The following ZNF273 variants were observed in gnomAD, a reference collection of about 807,000 sequenced individuals.
The protein encoded by ZNF273 is zinc finger protein 9.
ZNF273 carries 11 observed loss-of-function variants against 14.9 expected under a neutral mutation model. The ratio of observed to expected loss-of-function variants is 0.74; its 90% CI spans 0.46 to 1.22. The LOEUF is 1.22. Ranked by LOEUF, ZNF273 falls within the 50% of genes most tolerant of loss-of-function variation. The pLI is 0.00. For missense variants in ZNF273, 577 were observed against 660.6 expected, an observed-to-expected ratio of 0.87 and a Z score of 1.39; for synonymous variants, 199 against 223.9, an observed-to-expected ratio of 0.89 and a Z score of 0.99.
rs183679820 is a variant in ZNF273 at position 64,923,341 on chromosome 7, T to G, written c.326-4313T>G. 1,499 of 455,450 alleles carry G rather than the reference T, an allele frequency of 3.3e-3. 7 individuals are homozygous for G. The highest frequency in any genetic ancestry group is 4.4e-3 in the Non-Finnish European group (1,003 of 226,654). 28.2% of individuals were successfully genotyped at this position (455,450 alleles called of 1,614,324 possible). A position where few individuals can be genotyped will look rare whatever the true frequency, so the allele number is the denominator to read the frequency against. ...TTGTTTGTTTTGTGTGTGTGTGTGTTTTTTTATTTTTATTTTTTATACAGA... is the reference window on the plus strand; with the variant it reads ...TTGTTTGTTTTGTGTGTGTGTGTGTGTTTTTATTTTTATTTTTTATACAGA... On this transcript the variant is annotated intron_variant, in intron 3 of 3. Coordinates refer to ENST00000476120, the MANE Select transcript of ZNF273 (RefSeq NM_021148.3).
At chr7:64,896,361 A>G (rs1038733285) in intron 3 of ZNF273, among the ~76,000 whole-genome samples, 1 of 152,190 alleles carries the variant, frequency 6.6e-6, no homozygotes, top group Admixed American at 6.5e-5. Flanking sequence ...AACCACACAA[A>G]CTAAAAAACA....
At chr7:64,898,403 C>T (rs181767709), upstream of ZNF273, among the ~76,000 whole-genome samples, 103 of 152,244 alleles carry the variant, frequency 6.8e-4, no homozygotes, top group African/African-American at 2.1e-3. Context: ...GCGTGCCAAA[C>T]GCTGTTCATT....
intron 1 of ZNF273, among the ~76,000 whole-genome samples, chr7:64,911,816 T>C (rs983941970): frequency 6.6e-6 from 1 of 152,184 alleles, no homozygotes; most frequent in African/African-American, 2.4e-5. Flanking sequence ...ATTTGTGATA[T>C]TAGGTTGTTA....
At chr7:64,894,976 A>C (rs920299692) in intron 3 of ZNF273, among the ~76,000 whole-genome samples, 14 of 149,954 alleles carry the variant, frequency 9.3e-5, no homozygotes, top group Admixed American at 9.3e-4. Flanking sequence ...AAAAATACAA[A>C]AAAAAAAAAA....
intron 1 of ZNF273, among the ~76,000 whole-genome samples, chr7:64,908,087 C>G (rs1254363132): frequency 6.6e-6 from 1 of 152,222 alleles, no homozygotes; most frequent in Non-Finnish European, 1.5e-5. Flanking sequence ...CCCCCAGACA[C>G]TGAATCTGCA....
At chr7:64,889,755 C>T, downstream of ZNF273, 1 of 985,822 alleles carries the variant, frequency 1.0e-6, no homozygotes, top group Non-Finnish European at 1.2e-6. This position sits in a 1 kb window ranked among gnomAD's most constrained non-coding sequence, Gnocchi z 4.2. Flanking sequence ...CTCAGCCCCA[C>T]GGGGCTCCAG....
chr7:64,913,367 T>G (rs7784682), intron 1 of ZNF273, among the ~76,000 whole-genome samples: 1 of 152,244 alleles, frequency 6.6e-6, no homozygotes, highest in South Asian at 2.1e-4. Context: ...AATTATTGAA[T>G]GTTTGGTACT....
At chr7:64,910,021 GT>G (rs200707204) in intron 1 of ZNF273, among the ~76,000 whole-genome samples, 1 of 147,700 alleles carries the variant, frequency 6.8e-6, no homozygotes, top group African/African-American at 2.5e-5. Flanking sequence ...TTTTTTCCTA[GT>G]TTTTTTTTTC....
At chr7:64,894,591 T>TTA (rs1170775938), downstream of ZNF273, among the ~76,000 whole-genome samples, 29 of 148,588 alleles carry the variant, frequency 2.0e-4, no homozygotes, top group African/African-American at 6.6e-4. Context: ...GTCACAACAG[T>TTA]AAAAAAAAAA....
chr7:64,888,257 G>C, intron 1 of ZNF273: 2 of 980,374 alleles, frequency 2.0e-6, no homozygotes, highest in East Asian at 1.1e-4. Context: ...GCGCTCCCTC[G>C]TCAGATGTCC....
upstream of ZNF273, among the ~76,000 whole-genome samples, chr7:64,898,425 A>G (rs1792492388): frequency 6.6e-6 from 1 of 152,138 alleles, no homozygotes; most frequent in Non-Finnish European, 1.5e-5. Context: ...AACACAAAGA[A>G]CTGGTTTTCT....
At position 64,918,415 on chromosome 7, in the gene ZNF273, C is replaced by G. The variant is rs999346528; in HGVS notation, c.325+123C>G. 3.0e-5 allele frequency: 30 copies of G among 989,080 alleles called. No individual in the cohort carries two copies. The South Asian group carries it at 5.1e-4, about 17-fold the overall frequency. The allele number at this position is 989,080 out of a possible 1,614,324, so 61.3% of individuals were successfully genotyped here. A position where few individuals can be genotyped will look rare whatever the true frequency, so the allele number is the denominator to read the frequency against. On this transcript the variant is annotated intron_variant, in intron 3 of 3. Transcript: ENST00000476120. ...CGGTGGCTCACGTCTGTAATCCCAG[C>G]ACTTTGGGAGGCCGAGGCGGGCGGA...
downstream of ZNF273, among the ~76,000 whole-genome samples, chr7:64,934,989 A>ATG (rs1241414618): frequency 6.6e-6 from 1 of 152,142 alleles, no homozygotes; most frequent in African/African-American, 2.4e-5. Flanking sequence ...TTAGATTATA[A>ATG]TGTAAGGTGT....
At chr7:64,886,656 A>G (rs1791598849) in intron 1 of ZNF273, among the ~76,000 whole-genome samples, 1 of 152,176 alleles carries the variant, frequency 6.6e-6, no homozygotes, top group Non-Finnish European at 1.5e-5. Flanking sequence ...CCCAATCTCC[A>G]TAGTACAATT....
downstream of ZNF273, among the ~76,000 whole-genome samples, chr7:64,890,380 G>A (rs1298276801): frequency 2.0e-5 from 3 of 152,008 alleles, no homozygotes; most frequent in East Asian, 1.9e-4. Context: ...AGCAGGTTCC[G>A]TGATCAGCTG....
chr7:64,884,516 C>T (rs773541236), downstream of ZNF273, among the ~76,000 whole-genome samples: 4 of 152,110 alleles, frequency 2.6e-5, no homozygotes, highest in African/African-American at 9.7e-5. Flanking sequence ...ACCTCTTCTC[C>T]GTCTTGGACT....
chr7:64,895,574 C>A (rs1285167098), intron 3 of ZNF273, among the ~76,000 whole-genome samples: 1 of 152,038 alleles, frequency 6.6e-6, no homozygotes, highest in Non-Finnish European at 1.5e-5. Context: ...TCAAACGAAA[C>A]CACAGGGTAA....
upstream of ZNF273, among the ~76,000 whole-genome samples, chr7:64,898,991 G>GA (rs1467774673): frequency 3.3e-5 from 5 of 152,184 alleles, no homozygotes; most frequent in Admixed American, 1.3e-4. Context: ...GACTAGATTT[G>GA]CAATTTTCAA....
downstream of ZNF273, among the ~76,000 whole-genome samples, chr7:64,894,460 T>A (rs766367355): frequency 2.6e-5 from 4 of 152,196 alleles, no homozygotes; most frequent in Non-Finnish European, 5.9e-5. Flanking sequence ...ACTGTAGGGT[T>A]CAGGAAATGA....
Sources: gnomAD v4.1 joint callset for allele counts (sites outside exome capture counted in the v4.1 genomes callset) on GRCh38, gnomAD v4.1.1 for gene constraint, Gnocchi (gnomAD v3.1) non-coding constraint, MANE v1.5 for transcripts, NCBI Gene and HGNC (gene_info 2026-07-23, HGNC 2026-07-21) for gene names.